Variants in CAPN2 observed in about 807,000 individuals in gnomAD.
The protein encoded by CAPN2 is calpain-2 catalytic subunit.
In CAPN2, 92 loss-of-function variants were observed where a neutral mutation model predicts 102.3. The observed-to-expected ratio is 0.90, with a 90% CI of 0.76 to 1.07. CAPN2 has a LOEUF of 1.07. Among genes scored for constraint, CAPN2 ranks in the 50% least tolerant of loss-of-function variants. The pLI is 0.00. For missense variants in CAPN2, 800 were observed against 909.4 expected, an observed-to-expected ratio of 0.88 and a Z score of 1.55; for synonymous variants, 340 against 355.4, an observed-to-expected ratio of 0.96 and a Z score of 0.49.
In CAPN2 at chr1:223,750,876, A is replaced by G. The variant is rs373803686; in HGVS notation, c.814-14A>G. 11 of 1,550,996 alleles carry G rather than the reference A, an allele frequency of 7.1e-6. No homozygotes were observed. The African/African-American group carries it at 8.2e-5, about 12-fold the overall frequency. Reference sequence around the variant, plus strand: ...ACTCAACCTCTTACTCCTCCCTTTTATCTAATCCTGCAGGTTGAAAGTAAC... The same window carrying G: ...ACTCAACCTCTTACTCCTCCCTTTTGTCTAATCCTGCAGGTTGAAAGTAAC... On this transcript the variant is annotated splice_polypyrimidine_tract_variant and intron_variant, in intron 6 of 20. Transcript: ENST00000295006.
chr1:223,772,328 GT>G, intron 20 of CAPN2, 89 bp downstream of exon 20: 3 of 1,208,220 alleles, frequency 2.5e-6, no homozygotes, highest in Non-Finnish European at 2.4e-6. Context: ...GCTTTTTCAA[GT>G]TTTGCTTTAA....
chr1:223,705,495 A>T (rs1659583426), intron 1 of CAPN2, among the ~76,000 whole-genome samples: 1 of 152,176 alleles, frequency 6.6e-6, no homozygotes, highest in Admixed American at 6.5e-5. Context: ...GGGATGAAAA[A>T]AATAAAATGT....
intron 2 of CAPN2, among the ~76,000 whole-genome samples, chr1:223,719,829 T>TGC (rs1437029469): frequency 7.3e-5 from 11 of 150,144 alleles, no homozygotes; most frequent in African/African-American, 2.7e-4. Flanking sequence ...TGTGTGTGTG[T>TGC]GTGCGCGCGC....
upstream of CAPN2, among the ~76,000 whole-genome samples, chr1:223,710,144 T>C (rs1659699365): frequency 6.6e-6 from 1 of 152,018 alleles, no homozygotes; most frequent in African/African-American, 2.4e-5. Flanking sequence ...GATGTGGTGG[T>C]GTGCACCTGT....
Position 223,752,013 on chromosome 1 carries a change from A to G in CAPN2, c.916A>G (p.Thr306Ala), listed in dbSNP as rs201613674. The part of the protein sequence containing the change: ...RWNDNCPSWN[T>A]IDPEERERLT... ...GTTTTCCAGCTGCCCAAGCTGGAAC[A>G]CTATAGACCCAGAGGAGAGGGAAAG... is the stretch of plus-strand genomic sequence containing the variant. The change falls in exon 8 of 21, where the codon ACT becomes GCT. Residue 306 changes from threonine (T) to alanine (A), a missense_variant. Thr to Ala is a moderately conservative substitution (Grantham distance 58). Transcript: ENST00000295006. 5 of 1,610,322 alleles carry G rather than the reference A, an allele frequency of 3.1e-6. No individual in the cohort carries two copies. Among genetic ancestry groups the G allele is most frequent in the East Asian group, 4.5e-5 (2 of 44,604 alleles).
intron 1 of CAPN2, among the ~76,000 whole-genome samples, chr1:223,716,989 A>T (rs912929066): frequency 6.6e-6 from 1 of 152,126 alleles, no homozygotes; most frequent in Non-Finnish European, 1.5e-5. Context: ...TTAACTTTGG[A>T]CACGTCACTT....
intron 16 of CAPN2, among the ~76,000 whole-genome samples, chr1:223,768,106 G>A (rs1372922136): frequency 2.6e-5 from 4 of 151,926 alleles, no homozygotes; most frequent in East Asian, 1.9e-4. Context: ...TGTCAGATAA[G>A]CAGGTTGCGA....
At chr1:223,744,278 T>G in intron 3 of CAPN2, 60 bp downstream of exon 3, 1 of 1,106,976 alleles carries the variant, frequency 9.0e-7, no homozygotes, top group Non-Finnish European at 1.4e-6. Context: ...GGAACAGTCT[T>G]CTGGCTTGGC....
At chr1:223,749,163 A>C in intron 6 of CAPN2, 41 bp downstream of exon 6, 5 of 1,544,270 alleles carry the variant, frequency 3.2e-6, no homozygotes, top group Non-Finnish European at 4.5e-6. Flanking sequence ...TGCTGTCCTG[A>C]CACGATGGCC....
At chr1:223,773,631 T>G (rs1225663202) in intron 20 of CAPN2, among the ~76,000 whole-genome samples, 9 of 150,786 alleles carry the variant, frequency 6.0e-5, no homozygotes, top group African/African-American at 2.0e-4. Context: ...GAGGCGGAGG[T>G]TGCGGCGAGC....
chr1:223,702,610 C>T (rs1282382163), intron 1 of CAPN2, among the ~76,000 whole-genome samples: 2 of 152,068 alleles, frequency 1.3e-5, no homozygotes, highest in African/African-American at 4.8e-5. Flanking sequence ...GAAAAGTCTC[C>T]TCTGTATATA....
Position 223,759,212 on chromosome 1 carries a change from G to A in CAPN2, c.1318-58G>A. On this transcript the variant is annotated intron_variant, in intron 11 of 20. Coordinates refer to ENST00000295006, the MANE Select transcript of CAPN2 (RefSeq NM_001748.5). The surrounding 1 kb of genome is among the most constrained non-coding windows in gnomAD (Gnocchi z 4.6). ...TGCTTTTATCTCAGTGAATGAAAAT[G>A]ATACTTGCCTGGAGGCTTCCCCTCA... 6.8e-7 allele frequency: 1 copy of A among 1,478,748 alleles called. No individual in the cohort carries two copies. The highest frequency in any genetic ancestry group is 9.4e-7 in the Non-Finnish European group (1 of 1,058,300). The allele number at this position is 1,478,748 out of a possible 1,614,324, so 91.6% of individuals were successfully genotyped here.
At chr1:223,771,658 C>G (rs1661473496) in intron 18 of CAPN2, 151 bp from the exon 19 acceptor site, 2 of 664,038 alleles carry the variant, frequency 3.0e-6, no homozygotes, top group African/African-American at 3.6e-5. Context: ...ACTGGCTTTG[C>G]AAAATCAAAC....
intron 10 of CAPN2, 55 bp from the exon 11 acceptor site, chr1:223,757,314 G>A: frequency 1.3e-6 from 2 of 1,598,094 alleles, no homozygotes; most frequent in Non-Finnish European, 1.7e-6. Flanking sequence ...GCACAGTGAT[G>A]CATTTTCTTA....
At chr1:223,732,147 C>A (rs1284660196) in intron 2 of CAPN2, among the ~76,000 whole-genome samples, 4 of 152,002 alleles carry the variant, frequency 2.6e-5, no homozygotes, top group Admixed American at 6.6e-5. Context: ...GACGCTCAGG[C>A]CCAGGTCATA....
Position 223,756,269 on chromosome 1 carries a change from G to A in CAPN2, c.1305+620G>A, listed in dbSNP as rs973147840. Among the ~76,000 whole-genome samples, 3 of 152,306 alleles carry A rather than the reference G, an allele frequency of 2.0e-5. No homozygotes were observed. Among genetic ancestry groups the A allele is most frequent in the African/African-American group, 4.8e-5 (2 of 41,554 alleles). The stretch of plus-strand genomic sequence containing the variant: ...GGGGCACTGAGAACTCACCCAACAC[G>A]CTGGGCCCCTGGGCTCTCCCCACTC... On this transcript the variant is annotated intron_variant, in intron 10 of 20. Coordinates refer to ENST00000295006, the MANE Select transcript of CAPN2 (RefSeq NM_001748.5). The surrounding 1 kb of genome is among the most constrained non-coding windows in gnomAD (Gnocchi z 4.1).
intron 15 of CAPN2, among the ~76,000 whole-genome samples, chr1:223,766,090 A>T (rs1661307288): frequency 6.6e-6 from 1 of 152,218 alleles, no homozygotes; most frequent in Middle Eastern, 3.2e-3. Flanking sequence ...TGGGCACCTA[A>T]GGCCCAACCA....
chr1:223,766,251 G>A (rs1558078084), intron 15 of CAPN2, 116 bp from the exon 16 acceptor site: 2 of 736,254 alleles, frequency 2.7e-6, no homozygotes, highest in Non-Finnish European at 4.8e-6. Flanking sequence ...TTAATATAAT[G>A]GAAGTGGCTT....
At chr1:223,702,063 A>AAAGGAGGG (rs1659488602) in intron 1 of CAPN2, among the ~76,000 whole-genome samples, 1 of 27,840 alleles carries the variant, frequency 3.6e-5, no homozygotes, top group South Asian at 2.4e-3. Flanking sequence ...GGAAGGAAGG[A>AAAGGAGGG]AGGGAGGGAG....
Sources: gnomAD v4.1 joint callset for allele counts (sites outside exome capture counted in the v4.1 genomes callset) on GRCh38, gnomAD v4.1.1 for gene constraint, Gnocchi (gnomAD v3.1) non-coding constraint, MANE v1.5 for transcripts, NCBI Gene and HGNC (gene_info 2026-07-23, HGNC 2026-07-21) for gene names.